The following ZEB1 variants were observed in gnomAD, a reference collection of about 807,000 sequenced individuals.
The protein encoded by ZEB1 is zinc finger E-box binding homeobox 1.
ZEB1 carries 21 observed loss-of-function variants against 84.9 expected under a neutral mutation model. That is an observed-to-expected ratio of 0.25 (90% confidence interval 0.18 to 0.36). The LOEUF is 0.36. ZEB1 is among the 10% of genes least tolerant of loss of function. The pLI is 1.00. For synonymous variants in ZEB1, 420 were observed against 471.1 expected, an observed-to-expected ratio of 0.89 and a Z score of 1.41; for missense variants, 1,104 against 1,330.2, an observed-to-expected ratio of 0.83 and a Z score of 2.65.
intron 1 of ZEB1, among the ~76,000 whole-genome samples, chr10:31,322,511 GTAGGA>G (rs2034389722): frequency 6.6e-6 from 1 of 152,166 alleles, no homozygotes; most frequent in Admixed American, 6.5e-5. Context: ...ATGTCTGAAG[GTAGGA>G]TATTAAAAGG....
intron 1 of ZEB1, among the ~76,000 whole-genome samples, chr10:31,418,083 CCTAAATTATA>C (rs1203360366): frequency 6.6e-6 from 1 of 151,920 alleles, no homozygotes; most frequent in Non-Finnish European, 1.5e-5. Context: ...CCTTCAGTCT[CCTAAATTATA>C]CCAAATGAAA....
At chr10:31,362,790 A>C in intron 1 of ZEB1, 1 of 712,424 alleles carries the variant, frequency 1.4e-6, no homozygotes, top group South Asian at 1.5e-5. Flanking sequence ...GGCCTCCCAA[A>C]GTGCTGGATT....
At chr10:31,475,506 A>G (rs913715666) in intron 2 of ZEB1, among the ~76,000 whole-genome samples, 1 of 152,194 alleles carries the variant, frequency 6.6e-6, no homozygotes, top group African/African-American at 2.4e-5. Context: ...TAGGCTATTC[A>G]AAGTCAATAT....
At chr10:31,397,162 A>C (rs993858603) in intron 1 of ZEB1, among the ~76,000 whole-genome samples, 4 of 59,164 alleles carry the variant, frequency 6.8e-5, no homozygotes, top group Non-Finnish European at 1.9e-4. Flanking sequence ...TGGGTTTTTT[A>C]TTATTATTAT....
intron 2 of ZEB1, among the ~76,000 whole-genome samples, chr10:31,468,504 G>A (rs1392331747): frequency 5.3e-5 from 8 of 152,118 alleles, no homozygotes; most frequent in Admixed American, 2.6e-4. Flanking sequence ...AATTCCTGCT[G>A]ACAAGTACAC....
chr10:31,487,861 T>G (rs2065943544), intron 2 of ZEB1, among the ~76,000 whole-genome samples: 1 of 151,384 alleles, frequency 6.6e-6, no homozygotes, highest in African/African-American at 2.4e-5. Context: ...ATGCTTTTTC[T>G]GCATCAATTG....
At chr10:31,340,661 G>T (rs182117365) in intron 1 of ZEB1, among the ~76,000 whole-genome samples, 31 of 152,266 alleles carry the variant, frequency 2.0e-4, no homozygotes, top group African/African-American at 6.7e-4. Flanking sequence ...TACTTAGGGA[G>T]TTCACAGTCA....
chr10:31,353,381 A>C (rs1564556788), intron 1 of ZEB1, among the ~76,000 whole-genome samples: 1 of 152,276 alleles, frequency 6.6e-6, no homozygotes, highest in African/African-American at 2.4e-5. Context: ...AGATCTTCTA[A>C]TACAAGCATC....
rs2072499196 is a variant in ZEB1, at chr10:31,521,928, G to A, written c.2596G>A (p.Gly866Arg). 1 of 1,613,804 alleles carries A rather than the reference G, an allele frequency of 6.2e-7. No individual in the cohort carries two copies. Among genetic ancestry groups the A allele is most frequent in the African/African-American group, 1.3e-5 (1 of 74,882 alleles). Reference protein sequence around the residue: ...EPPLKVIQPNGNQDERQDTSS... With the variant: ...EPPLKVIQPNRNQDERQDTSS... ...ACCCTTGAAAGTGATCCAGCCAAAT[G>A]GAAATCAGGTAAAAAATAACCTCCA... Residue 866 changes from glycine to arginine, a missense_variant, in exon 7 of 9, where the codon GGA becomes AGA. By Grantham distance (125) the Gly-to-Arg change is moderately radical. Around this residue, in one of 7 missense-constraint regions of ZEB1, gnomAD observed 531 missense variants for 575.2 expected, o/e 0.92. Coordinates refer to ENST00000424869, the MANE Select transcript of ZEB1 (RefSeq NM_001174096.2).
chr10:31,375,030 A>T (rs2046343765), intron 1 of ZEB1: 1 of 136,898 alleles, frequency 7.3e-6, no homozygotes. Context: ...AGGGAATGTG[A>T]CATTTATGTT....
intron 6 of ZEB1, 25 bp downstream of exon 6, chr10:31,514,733 C>A (rs767818230): frequency 3.9e-6 from 6 of 1,526,752 alleles, no homozygotes; most frequent in East Asian, 4.5e-5. Context: ...TCTTTCTATA[C>A]CCTGAATATC....
chr10:31,365,990 T>C (rs556727061), intron 1 of ZEB1, among the ~76,000 whole-genome samples: 2 of 152,352 alleles, frequency 1.3e-5, no homozygotes, highest in Admixed American at 1.3e-4. Flanking sequence ...TTTAGGGCCT[T>C]TTGATGCATT....
chr10:31,496,729 G>T (rs753879756), intron 3 of ZEB1, among the ~76,000 whole-genome samples: 1 of 151,800 alleles, frequency 6.6e-6, no homozygotes, highest in Admixed American at 6.6e-5. Context: ...TCTCTTCTAT[G>T]AGTTATCATT....
chr10:31,383,194 G>C (rs1162888747), intron 1 of ZEB1, among the ~76,000 whole-genome samples: 1 of 152,050 alleles, frequency 6.6e-6, no homozygotes, highest in Non-Finnish European at 1.5e-5. Context: ...GAACAACACT[G>C]TTCAGGAGAG....
In ZEB1 at chr10:31,319,446, C is replaced by G. The variant is rs532256978; in HGVS notation, c.58+154C>G. On this transcript the variant is annotated intron_variant, in intron 1 of 8. Coordinates refer to ENST00000424869, the MANE Select transcript of ZEB1 (RefSeq NM_001174096.2). ...AGTAGAAAGTAGTGCTCTCTGCCCC[C>G]CTCCGCTGCCGCCGCTGCCGGAGCC... 210 of 711,048 alleles carry G rather than the reference C, an allele frequency of 3.0e-4. No individual in the cohort carries two copies. In the Middle Eastern group the frequency reaches 4.0e-3, roughly 13 times the overall value. 44.0% of individuals were successfully genotyped at this position (711,048 alleles called of 1,614,324 possible). A position where few individuals can be genotyped will look rare whatever the true frequency, so the allele number is the denominator to read the frequency against.
intron 1 of ZEB1, among the ~76,000 whole-genome samples, chr10:31,371,434 A>G (rs924794308): frequency 1.3e-5 from 2 of 152,198 alleles, no homozygotes; most frequent in South Asian, 2.1e-4. Flanking sequence ...TTCCATAGCT[A>G]TATTCCGTAT....
chr10:31,521,176 T>C lies in ZEB1; in HGVS notation c.1844T>C (p.Ile615Thr), dbSNP rs746075441. 26 of 1,614,016 alleles carry C rather than the reference T, an allele frequency of 1.6e-5. No individual in the cohort carries two copies. In the East Asian group the frequency reaches 2.9e-4, roughly 18 times the overall value. The change falls in exon 7 of 9, where the codon ATT (isoleucine) becomes ACT (threonine). Residue 615 changes from isoleucine (I) to threonine (T), a missense_variant. This residue lies in a region of ZEB1 where 531 missense variants were observed against 575.2 expected (regional missense o/e 0.92). Transcript: ENST00000424869. ...CCAAGTGCAGAAGAGCTCTCAAAAA[T>C]TGCTGATTCAGTAAACCTACCACTG... ...AQPSAEELSKIADSVNLPLDV... is the reference protein window; with the variant it reads ...AQPSAEELSKTADSVNLPLDV...
At chr10:31,428,632 G>A (rs1237238145) in intron 1 of ZEB1, among the ~76,000 whole-genome samples, 3 of 152,148 alleles carry the variant, frequency 2.0e-5, no homozygotes, top group Non-Finnish European at 4.4e-5. Context: ...TTCTGTCTCA[G>A]TGATCTCATA....
intron 2 of ZEB1, among the ~76,000 whole-genome samples, chr10:31,470,525 A>G (rs1267031956): frequency 6.7e-6 from 1 of 148,220 alleles, no homozygotes; most frequent in Non-Finnish European, 1.5e-5. Context: ...AAAGAATAAA[A>G]AGAAATGAGC....
Sources: gnomAD v4.1 joint callset for allele counts (sites outside exome capture counted in the v4.1 genomes callset) on GRCh38, gnomAD v4.1.1 for gene constraint, gnomAD v4.1.1 regional missense constraint, MANE v1.5 for transcripts, NCBI Gene and HGNC (gene_info 2026-07-23, HGNC 2026-07-21) for gene names.